The following ANTXR1 variants were observed in gnomAD, a reference collection of about 807,000 sequenced individuals.
The protein encoded by ANTXR1 is anthrax toxin receptor 1.
Under a neutral mutation model 78.1 loss-of-function variants are expected in ANTXR1, and 19 were observed. That is an observed-to-expected ratio of 0.24 (90% CI 0.17 to 0.36). ANTXR1 has a LOEUF of 0.36. Among genes scored for constraint, ANTXR1 ranks in the 10% least tolerant of loss-of-function variants. The pLI is 1.00. For missense variants in ANTXR1, 518 were observed against 718.6 expected (o/e 0.72, Z 3.19); for synonymous variants, 273 against 260.5 (o/e 1.05, Z -0.46).
chr2:69,221,090 GTTT>G (rs554340032), intron 17 of ANTXR1, among the ~76,000 whole-genome samples: 169 of 152,246 alleles, frequency 1.1e-3, no homozygotes, highest in South Asian at 3.7e-3. Flanking sequence ...CTTGTTTGGG[GTTT>G]TTATTTTTTG....
At chr2:69,028,194 CTCT>C (rs1671410084) in intron 1 of ANTXR1, among the ~76,000 whole-genome samples, 1 of 152,122 alleles carries the variant, frequency 6.6e-6, no homozygotes, top group African/African-American at 2.4e-5. Context: ...TAGAAGAAAA[CTCT>C]TCTGACTTAA....
chr2:69,086,037 T>C (rs908951657), intron 8 of ANTXR1, among the ~76,000 whole-genome samples: 1 of 152,206 alleles, frequency 6.6e-6, no homozygotes, highest in Non-Finnish European at 1.5e-5. Flanking sequence ...AAAGACTTTC[T>C]GAAATATGTG....
At chr2:69,040,185 T>C in intron 2 of ANTXR1, 70 bp downstream of exon 2, 1 of 1,357,696 alleles carries the variant, frequency 7.4e-7, no homozygotes, top group South Asian at 1.2e-5. Flanking sequence ...ATGTTTGCTA[T>C]TCTATTAATT....
intron 8 of ANTXR1, among the ~76,000 whole-genome samples, chr2:69,083,244 T>C (rs943841003): frequency 4.6e-5 from 7 of 152,244 alleles, no homozygotes; most frequent in Non-Finnish European, 8.8e-5. Context: ...TCATGTCACA[T>C]TCCCAAAGTC....
chr2:69,071,231 GT>G (rs1340370066), intron 4 of ANTXR1, among the ~76,000 whole-genome samples: 2 of 152,152 alleles, frequency 1.3e-5, no homozygotes, highest in Non-Finnish European at 2.9e-5. Flanking sequence ...AAAATGCCTT[GT>G]TAGCCAATTT....
intron 3 of ANTXR1, among the ~76,000 whole-genome samples, chr2:69,051,145 G>A (rs1669919449): frequency 6.6e-6 from 1 of 151,988 alleles, no homozygotes; most frequent in Non-Finnish European, 1.5e-5. Context: ...AGTTAGCTGG[G>A]CATGTTGGTG....
chr2:69,123,964 A>G (rs1399620744), intron 11 of ANTXR1, among the ~76,000 whole-genome samples: 1 of 152,248 alleles, frequency 6.6e-6, no homozygotes, highest in African/African-American at 2.4e-5. Context: ...GTTGCCCAGC[A>G]TCAATCTGTG....
intron 3 of ANTXR1, among the ~76,000 whole-genome samples, chr2:69,063,161 C>T (rs1206959940): frequency 2.0e-5 from 3 of 151,968 alleles, no homozygotes; most frequent in African/African-American, 4.8e-5. Context: ...GAATACCAAA[C>T]GTGATCCACA....
intron 6 of ANTXR1, among the ~76,000 whole-genome samples, chr2:69,074,875 A>C (rs1306742061): frequency 6.6e-6 from 1 of 152,202 alleles, no homozygotes; most frequent in Non-Finnish European, 1.5e-5. Context: ...ATTCTGAAAC[A>C]CAGGAGAATC....
intron 17 of ANTXR1, among the ~76,000 whole-genome samples, chr2:69,235,017 CT>C (rs748250586): frequency 0.013 from 1,048 of 83,378 alleles, no homozygotes; most frequent in African/African-American, 0.033. Context: ...ATGATGAAAG[CT>C]TTTTTTTTTT....
chr2:69,100,320 T>A (rs1391461480), intron 9 of ANTXR1, among the ~76,000 whole-genome samples: 1 of 152,182 alleles, frequency 6.6e-6, no homozygotes, highest in Non-Finnish European at 1.5e-5. Context: ...ACCAAATGTG[T>A]GCACTAACAC....
intron 1 of ANTXR1, among the ~76,000 whole-genome samples, chr2:69,028,115 A>T (rs1653725618): frequency 6.6e-6 from 1 of 152,222 alleles, no homozygotes; most frequent in Admixed American, 6.5e-5. Flanking sequence ...TGAAAAAAAT[A>T]GCTATTCAAA....
chr2:69,193,492 T>C lies in ANTXR1; in HGVS notation c.1434+77T>C, dbSNP rs866123454. ...ACACACACACACACACACACACACA[T>C]ATTCTTTTTCTCTCTCCATCTTTGT... On this transcript the variant is annotated intron_variant, in intron 17 of 17. Coordinates refer to ENST00000303714, the MANE Select transcript of ANTXR1 (RefSeq NM_032208.3). The C allele has an allele frequency of 7.3e-4, 601 of 828,184 alleles. 8 individuals carry two copies. In the South Asian group the frequency reaches 0.01, roughly 14 times the overall value. The allele number at this position is 828,184 out of a possible 1,614,324, so 51.3% of individuals were successfully genotyped here. A position where few individuals can be genotyped will look rare whatever the true frequency, so the allele number is the denominator to read the frequency against.
intron 2 of ANTXR1, among the ~76,000 whole-genome samples, chr2:69,041,098 A>T (rs1669603481): frequency 6.6e-6 from 1 of 152,216 alleles, no homozygotes; most frequent in African/African-American, 2.4e-5. Context: ...AGCAGGAAGC[A>T]TCTAAACCCA....
At chr2:69,108,926 T>C (rs1036708720) in intron 10 of ANTXR1, among the ~76,000 whole-genome samples, 2 of 152,170 alleles carry the variant, frequency 1.3e-5, no homozygotes, top group African/African-American at 4.8e-5. Flanking sequence ...AAGACATATA[T>C]GATGAAAGTC....
At chr2:69,146,976 G>A (rs1673248013) in intron 12 of ANTXR1, among the ~76,000 whole-genome samples, 1 of 152,252 alleles carries the variant, frequency 6.6e-6, no homozygotes, top group Non-Finnish European at 1.5e-5. Context: ...AATCCGGGAA[G>A]GAGATCTTGG....
chr2:69,077,123 G>C, intron 7 of ANTXR1: 1 of 500,532 alleles, frequency 2.0e-6, no homozygotes, highest in Non-Finnish European at 3.6e-6. Flanking sequence ...ATCAACCCAG[G>C]CCAAGCGTTC....
intron 3 of ANTXR1, 37 bp from the exon 4 acceptor site, chr2:69,070,610 A>C: frequency 1.3e-6 from 2 of 1,598,932 alleles, no homozygotes; most frequent in Non-Finnish European, 1.7e-6. Flanking sequence ...AGTAAAAAAT[A>C]CTCAAATAAG....
intron 3 of ANTXR1, among the ~76,000 whole-genome samples, chr2:69,051,179 G>A (rs1323859320): frequency 6.6e-6 from 1 of 151,990 alleles, no homozygotes; most frequent in Non-Finnish European, 1.5e-5. Context: ...CCACCTACTT[G>A]GGAGGCGAGA....
Sources: gnomAD v4.1 joint callset for allele counts (sites outside exome capture counted in the v4.1 genomes callset) on GRCh38, gnomAD v4.1.1 for gene constraint, MANE v1.5 for transcripts, NCBI Gene and HGNC (gene_info 2026-07-23, HGNC 2026-07-21) for gene names.